The following UBE2L3 variants were observed in gnomAD, a reference collection of about 807,000 sequenced individuals.
The protein encoded by UBE2L3 is ubiquitin conjugating enzyme E2 L3.
Under a neutral mutation model 17.8 loss-of-function variants are expected in UBE2L3, and 1 was observed. The ratio of observed to expected loss-of-function variants is 0.06; its 90% confidence interval spans 0.02 to 0.27. The LOEUF (loss-of-function observed/expected upper bound fraction) is 0.27. UBE2L3 is among the 10% of genes least tolerant of loss of function. The pLI, the probability that UBE2L3 is intolerant of heterozygous loss-of-function variation, is 1.00. For missense variants in UBE2L3, 40 were observed against 192.6 expected, an observed-to-expected ratio of 0.21 and a Z score of 4.69; for synonymous variants, 44 against 68.5, an observed-to-expected ratio of 0.64 and a Z score of 1.76.
At chr22:21,565,169 G>T (rs140487), upstream of UBE2L3, among the ~76,000 whole-genome samples, 151,940 of 151,956 alleles carry the variant, frequency 1, 75,963 homozygotes, top group Middle Eastern at 1. Context: ...CTCCACTCAC[G>T]GCAAGCTCCG....
intron 1 of UBE2L3, among the ~76,000 whole-genome samples, chr22:21,578,691 G>A (rs1216802141): frequency 2.0e-5 from 3 of 152,172 alleles, no homozygotes; most frequent in African/African-American, 7.2e-5. Context: ...TGGAGCTTTG[G>A]CCATGCTTCC....
intron 2 of UBE2L3, among the ~76,000 whole-genome samples, chr22:21,610,598 TTCTAAAAAGTAAAG>T (rs2148441491): frequency 6.6e-6 from 1 of 152,302 alleles, no homozygotes; most frequent in South Asian, 2.1e-4. Context: ...CCTAAAGGTG[TTCTAAAAAGTAAAG>T]TCTATTTTTT....
chr22:21,569,396 A>C (rs1286386273), intron 1 of UBE2L3, among the ~76,000 whole-genome samples: 2 of 37,412 alleles, frequency 5.3e-5, no homozygotes, highest in African/African-American at 1.5e-4. Flanking sequence ...ACTCCATGTC[A>C]AAAAAAAAAA....
intron 1 of UBE2L3, among the ~76,000 whole-genome samples, chr22:21,579,142 C>T (rs529961063): frequency 6.6e-4 from 100 of 152,064 alleles, no homozygotes; most frequent in Admixed American, 1.8e-3. Flanking sequence ...AGGTGCCCGC[C>T]ACCACGCCTG....
chr22:21,593,011 T>C (rs1282208253), intron 2 of UBE2L3, 55 bp downstream of exon 2: 1 of 1,517,802 alleles, frequency 6.6e-7, no homozygotes, highest in Non-Finnish European at 9.1e-7. Context: ...GTGATGTGTG[T>C]GCTGTTGGGC....
At chr22:21,578,518 G>A (rs1334987166) in intron 1 of UBE2L3, among the ~76,000 whole-genome samples, 1 of 152,152 alleles carries the variant, frequency 6.6e-6, no homozygotes, top group Admixed American at 6.6e-5. Context: ...AGAGGTCGGT[G>A]TCCCAGCCCT....
chr22:21,575,280 AAAGG>A (rs965350966), intron 1 of UBE2L3, among the ~76,000 whole-genome samples: 2 of 150,126 alleles, frequency 1.3e-5, no homozygotes, highest in African/African-American at 4.9e-5. Flanking sequence ...AAAAAAAAGA[AAAGG>A]AAAAAGAAAA....
chr22:21,586,179 G>A (rs987770251), intron 1 of UBE2L3, among the ~76,000 whole-genome samples: 2 of 152,140 alleles, frequency 1.3e-5, no homozygotes, highest in African/African-American at 4.8e-5. Context: ...CTGTGCTTAA[G>A]TGATCCTCCT....
chr22:21,619,461 A>G (rs1181186621), intron 3 of UBE2L3, among the ~76,000 whole-genome samples: 1 of 152,162 alleles, frequency 6.6e-6, no homozygotes, highest in Non-Finnish European at 1.5e-5. Context: ...GGAACCTGTC[A>G]GCATTGCATG....
intron 1 of UBE2L3, among the ~76,000 whole-genome samples, chr22:21,590,028 G>C (rs1302226659): frequency 6.6e-6 from 1 of 152,062 alleles, no homozygotes; most frequent in Non-Finnish European, 1.5e-5. Flanking sequence ...GCACCAGTAA[G>C]TGTCCTTTCT....
At chr22:21,607,846 C>T (rs368253991) in intron 2 of UBE2L3, among the ~76,000 whole-genome samples, 7 of 152,262 alleles carry the variant, frequency 4.6e-5, no homozygotes. Context: ...CCCCAGGGTC[C>T]AGCCATTGAG....
intron 1 of UBE2L3, among the ~76,000 whole-genome samples, chr22:21,574,265 T>C (rs1026227104): frequency 6.6e-6 from 1 of 152,200 alleles, no homozygotes; most frequent in African/African-American, 2.4e-5. Context: ...GCTCAGGTTC[T>C]GGAGTTTCAA....
chr22:21,600,674 C>T (rs928261598), intron 2 of UBE2L3, among the ~76,000 whole-genome samples: 11 of 151,334 alleles, frequency 7.3e-5, no homozygotes, highest in African/African-American at 1.2e-4. Flanking sequence ...CCAGCCTGGG[C>T]GACAGAGTGA....
chr22:21,574,741 C>T (rs541450486), intron 1 of UBE2L3, among the ~76,000 whole-genome samples: 2 of 152,062 alleles, frequency 1.3e-5, no homozygotes, highest in South Asian at 2.1e-4. Context: ...CCGAGGTGGG[C>T]GGATCATGAG....
chr22:21,600,158 A>G (rs1180481124), intron 2 of UBE2L3, among the ~76,000 whole-genome samples: 1 of 151,644 alleles, frequency 6.6e-6, no homozygotes, highest in East Asian at 1.9e-4. Context: ...CTAAAAATAC[A>G]AAAAATTAGC....
At chr22:21,580,532 C>T (rs771905595) in intron 1 of UBE2L3, among the ~76,000 whole-genome samples, 6 of 147,902 alleles carry the variant, frequency 4.1e-5, no homozygotes, top group Non-Finnish European at 6.0e-5. Flanking sequence ...TTACTGCAGC[C>T]TCTGCCTCCT....
chr22:21,567,614 C>G (rs1291752682), upstream of UBE2L3: 3 of 1,524,764 alleles, frequency 2.0e-6, no homozygotes, highest in Non-Finnish European at 2.6e-6. Flanking sequence ...CAGTGGGAAG[C>G]ACACAGTAGG....
intron 3 of UBE2L3, among the ~76,000 whole-genome samples, chr22:21,619,111 G>A (rs990504388): frequency 1.3e-5 from 2 of 152,182 alleles, no homozygotes; most frequent in African/African-American, 4.8e-5. Flanking sequence ...TTAGGCGACT[G>A]TGGCTCAATT....
chr22:21,584,951 G>A (rs1439736422), intron 1 of UBE2L3, among the ~76,000 whole-genome samples: 1 of 152,132 alleles, frequency 6.6e-6, no homozygotes, highest in East Asian at 1.9e-4. Context: ...GCGAGACTCC[G>A]TCTCAAAACA....
Sources: gnomAD v4.1 joint callset for allele counts (sites outside exome capture counted in the v4.1 genomes callset) on GRCh38, gnomAD v4.1.1 for gene constraint, MANE v1.5 for transcripts, NCBI Gene and HGNC (gene_info 2026-07-23, HGNC 2026-07-21) for gene names.